The following CLYBL variants were observed in gnomAD, a reference collection of about 807,000 sequenced individuals.
CLYBL encodes citramalyl-CoA lyase, also known as citramalyl-CoA lyase, mitochondrial.
Under a neutral mutation model 38.9 loss-of-function variants are expected in CLYBL, and 31 were observed. The observed-to-expected ratio is 0.80, with a 90% confidence interval of 0.60 to 1.08. CLYBL has a LOEUF of 1.08. CLYBL is among the 50% of genes least tolerant of loss of function. CLYBL has a pLI of 0.00. For missense variants in CLYBL, 434 were observed against 411.6 expected (o/e 1.05, Z -0.47); for synonymous variants, 171 against 158.6 (o/e 1.08, Z -0.59).
intron 2 of CLYBL, among the ~76,000 whole-genome samples, chr13:99,858,535 T>G (rs1319683070): frequency 6.6e-6 from 1 of 152,218 alleles, no homozygotes; most frequent in African/African-American, 2.4e-5. Flanking sequence ...GCTCAATCAG[T>G]GAAAACTTAC....
intron 8 of CLYBL, 189 bp downstream of exon 8, chr13:99,891,626 A>AT: frequency 2.0e-6 from 1 of 507,304 alleles, no homozygotes; most frequent in Non-Finnish European, 3.5e-6. Flanking sequence ...CAAGCTTATG[A>AT]TTTTATCATT....
chr13:99,712,183 A>G (rs529204889), intron 1 of CLYBL, among the ~76,000 whole-genome samples: 4 of 152,210 alleles, frequency 2.6e-5, no homozygotes, highest in Non-Finnish European at 5.9e-5. Flanking sequence ...GAAGTTGAAG[A>G]CAGTTCTCTT....
At chr13:99,739,993 CAAA>C (rs922095811) in intron 1 of CLYBL, among the ~76,000 whole-genome samples, 12 of 151,778 alleles carry the variant, frequency 7.9e-5, no homozygotes, top group Non-Finnish European at 1.5e-4. Flanking sequence ...AACAAAAAAA[CAAA>C]AAAACTGTAT....
At chr13:99,771,543 C>T (rs577498275) in intron 1 of CLYBL, among the ~76,000 whole-genome samples, 3 of 152,310 alleles carry the variant, frequency 2.0e-5, no homozygotes, top group African/African-American at 4.8e-5. Flanking sequence ...CAAATTGTAT[C>T]GCTCGTCCTG....
chr13:99,743,271 C>T (rs1334945286), intron 1 of CLYBL, among the ~76,000 whole-genome samples: 1 of 152,094 alleles, frequency 6.6e-6, no homozygotes. Context: ...GCAATTGTAA[C>T]CGCGAATGAT....
At chr13:99,823,451 C>A (rs1452546326) in intron 2 of CLYBL, among the ~76,000 whole-genome samples, 1 of 152,296 alleles carries the variant, frequency 6.6e-6, no homozygotes, top group South Asian at 2.1e-4. Flanking sequence ...TGAAAGCATC[C>A]CTGTGTTCCA....
chr13:99,663,068 C>T (rs2047432385), intron 1 of CLYBL, among the ~76,000 whole-genome samples: 1 of 152,160 alleles, frequency 6.6e-6, no homozygotes, highest in Non-Finnish European at 1.5e-5. Flanking sequence ...TGAATTGTGG[C>T]TTTGAAATAT....
chr13:99,649,879 A>G (rs1594101360), intron 1 of CLYBL, among the ~76,000 whole-genome samples: 1 of 151,744 alleles, frequency 6.6e-6, no homozygotes, highest in African/African-American at 2.4e-5. Context: ...AAGAAAAAAA[A>G]AAAAGTTATA....
chr13:99,628,845 G>GTTAT (rs2046904573), intron 1 of CLYBL, among the ~76,000 whole-genome samples: 1 of 152,198 alleles, frequency 6.6e-6, no homozygotes, highest in Non-Finnish European at 1.5e-5. Flanking sequence ...TTGTGATATT[G>GTTAT]TTATTTTCTG....
chr13:99,712,534 G>A (rs9517843), intron 1 of CLYBL, among the ~76,000 whole-genome samples: 1 of 151,338 alleles, frequency 6.6e-6, no homozygotes, highest in Non-Finnish European at 1.5e-5. Context: ...TTTTGGTAGA[G>A]ACAGAGTTTT....
chr13:99,772,788 C>G (rs377368871), intron 1 of CLYBL, 36 bp from the exon 2 acceptor site: 1 of 1,493,460 alleles, frequency 6.7e-7, no homozygotes, highest in East Asian at 2.4e-5. Flanking sequence ...ATACAGAAAT[C>G]TCATTCTGGA....
At chr13:99,740,983 G>T (rs187406333) in intron 1 of CLYBL, among the ~76,000 whole-genome samples, 2 of 152,306 alleles carry the variant, frequency 1.3e-5, no homozygotes, top group Non-Finnish European at 1.5e-5. Flanking sequence ...AGCACCTGTC[G>T]ATGGGAATCC....
chr13:99,884,088 G>C (rs1395055515), intron 7 of CLYBL, among the ~76,000 whole-genome samples: 1 of 152,120 alleles, frequency 6.6e-6, no homozygotes, highest in Non-Finnish European at 1.5e-5. Flanking sequence ...CCTTGACCAG[G>C]CTCAAGCGAT....
chr13:99,633,970 A>C (rs1415453594), intron 1 of CLYBL, among the ~76,000 whole-genome samples: 1 of 152,174 alleles, frequency 6.6e-6, no homozygotes, highest in African/African-American at 2.4e-5. Flanking sequence ...AAAATATTTG[A>C]GGGGATAATG....
chr13:99,737,882 A>T (rs919158930), intron 1 of CLYBL, among the ~76,000 whole-genome samples: 1 of 151,666 alleles, frequency 6.6e-6, no homozygotes, highest in Non-Finnish European at 1.5e-5. Flanking sequence ...ATTTTTTCTA[A>T]CCTTTTTTTT....
intron 1 of CLYBL, among the ~76,000 whole-genome samples, chr13:99,666,918 C>A (rs1173503086): frequency 6.6e-6 from 1 of 152,144 alleles, no homozygotes; most frequent in Non-Finnish European, 1.5e-5. Context: ...TCACGTGATG[C>A]TGCCTATACT....
intron 1 of CLYBL, among the ~76,000 whole-genome samples, chr13:99,712,673 A>T (rs748422043): frequency 6.6e-6 from 1 of 151,854 alleles, no homozygotes; most frequent in Admixed American, 6.6e-5. Context: ...GCTAAAACTA[A>T]TTTTTTCTTC....
chr13:99,790,028 T>C (rs1291448387), intron 2 of CLYBL, among the ~76,000 whole-genome samples: 5 of 152,126 alleles, frequency 3.3e-5, no homozygotes, highest in African/African-American at 7.2e-5. Flanking sequence ...ACCCCTGCCT[T>C]TTTTTGTTTT....
rs144949897 is a variant in CLYBL at position 99,704,712 on chromosome 13, GTTGT to G, written c.63-68109_63-68106del. 3.0e-3 allele frequency among the ~76,000 whole-genome samples: 454 copies of G among 152,302 alleles called. 2 individuals carry two copies. Among genetic ancestry groups the G allele is most frequent in the African/African-American group, 0.011 (437 of 41,562 alleles). On this transcript the variant is annotated intron_variant, in intron 1 of 8. Coordinates refer to ENST00000339105, the MANE Select transcript of CLYBL (RefSeq NM_206808.5). ...TTGACAGTCAGCATTCAATAAATGT[GTTGT>G]TTAAGTTGATATAATTAATTTAAAA...
Sources: gnomAD v4.1 joint callset for allele counts (sites outside exome capture counted in the v4.1 genomes callset) on GRCh38, gnomAD v4.1.1 for gene constraint, MANE v1.5 for transcripts, NCBI Gene and HGNC (gene_info 2026-07-23, HGNC 2026-07-21) for gene names.